The following TAF6L variants were observed in gnomAD, a reference collection of about 807,000 sequenced individuals.
TAF6L encodes TATA-box binding protein associated factor 6 like.
Under a neutral mutation model 57.3 loss-of-function variants are expected in TAF6L, and 34 were observed. The observed-to-expected ratio is 0.59, with a 90% CI of 0.45 to 0.79. TAF6L has a LOEUF of 0.79. Ranked by LOEUF, TAF6L falls within the 30% of genes least tolerant of loss-of-function variation. The probability of loss-of-function intolerance (pLI) is 0.00; values close to 1 mark genes in which losing one functional copy is unlikely to be tolerated. For synonymous variants in TAF6L, 417 were observed against 376.3 expected, an observed-to-expected ratio of 1.11 and a Z score of -1.25; for missense variants, 782 against 853.2, an observed-to-expected ratio of 0.92 and a Z score of 1.04.
rs1233137895 is a variant in TAF6L at position 62,778,112 on chromosome 11, T to C, written c.369T>C (p.Ala123=). The change falls in exon 4 of 11, where the codon GCT becomes GCC. Residue 123 remains alanine, a synonymous_variant. Transcript: ENST00000294168. Reference sequence around the variant, plus strand: ...CTACCAACATCCCCAAAGGCTGTGCTGAGACAGCTGTCAGAGGTGGCTGCC... The same window carrying C: ...CTACCAACATCCCCAAAGGCTGTGCCGAGACAGCTGTCAGAGGTGGCTGCC... ...ALATNIPKGC[A]ETAVRVHVSY... 3.1e-6 allele frequency: 5 copies of C among 1,614,054 alleles called. No individual in the cohort carries two copies. Among genetic ancestry groups the C allele is most frequent in the Non-Finnish European group, 4.2e-6 (5 of 1,180,036 alleles).
intron 6 of TAF6L, among the ~76,000 whole-genome samples, chr11:62,779,976 A>AT (rs1277954265): frequency 0.047 from 2,469 of 52,608 alleles, 89 homozygotes; most frequent in African/African-American, 0.088. Flanking sequence ...ATATATATAT[A>AT]TTTTTTTTTT....
In TAF6L at chr11:62,781,528, G is replaced by A. The variant is rs189633104; in HGVS notation, c.532-366G>A. On this transcript the variant is annotated intron_variant, in intron 6 of 10. Coordinates refer to ENST00000294168, the MANE Select transcript of TAF6L (RefSeq NM_006473.4). ...CTCTACTAAAAAATAGAAAAAATTA[G>A]CCGGGTGTGGTGGCAGGCGCCTGTA... 8.3e-3 allele frequency among the ~76,000 whole-genome samples: 1,256 copies of A among 152,052 alleles called. 8 individuals are homozygous for A. Among genetic ancestry groups the A allele is most frequent in the Admixed American group, 0.011 (165 of 15,248 alleles).
chr11:62,781,678 A>T (rs2956997), intron 6 of TAF6L: 65 of 464,492 alleles, frequency 1.4e-4, no homozygotes, highest in East Asian at 2.7e-4. Context: ...AAAAAAAAAA[A>T]GTTGGACATT....
intron 3 of TAF6L, 99 bp from the exon 4 acceptor site, chr11:62,777,879 A>C: frequency 7.1e-7 from 1 of 1,401,750 alleles, no homozygotes; most frequent in Non-Finnish European, 9.7e-7. Flanking sequence ...CTTCCTTCAA[A>C]CGTGGGCTCT....
At chr11:62,773,691 G>A (rs535745776) in intron 1 of TAF6L, among the ~76,000 whole-genome samples, 27 of 151,964 alleles carry the variant, frequency 1.8e-4, no homozygotes, top group African/African-American at 3.1e-4. Flanking sequence ...CAGGTGATTC[G>A]CCCGCCTTGG....
intron 9 of TAF6L, among the ~76,000 whole-genome samples, chr11:62,783,505 T>A (rs2084246196): frequency 2.0e-5 from 3 of 150,826 alleles, no homozygotes; most frequent in Admixed American, 6.6e-5. Flanking sequence ...AGTTAGGTGT[T>A]GCCACTGTGA....
At chr11:62,779,805 AC>A (rs1270425406) in intron 6 of TAF6L, among the ~76,000 whole-genome samples, 1 of 149,744 alleles carries the variant, frequency 6.7e-6, no homozygotes, top group Non-Finnish European at 1.5e-5. Flanking sequence ...AGCTGGGATT[AC>A]AGGGGCATAC....
chr11:62,778,492 C>A, intron 5 of TAF6L, 157 bp downstream of exon 5: 1 of 861,166 alleles, frequency 1.2e-6, no homozygotes, highest in Non-Finnish European at 1.8e-6. Context: ...GCATGGAGGG[C>A]TCAGAGTTGG....
At position 62,775,816 on chromosome 11, in the gene TAF6L, G is replaced by C. The variant is rs2084183135; in HGVS notation, c.33G>C (p.Glu11Asp). ...AGCGAGAAGAGCGGCGGTTTGTGGAGATCCCTCGGGAGTCTGTCCGGCTCA... is the reference window on the plus strand; with the variant it reads ...AGCGAGAAGAGCGGCGGTTTGTGGACATCCCTCGGGAGTCTGTCCGGCTCA... MSEREERRFV[E>D]IPRESVRLMA... Residue 11 changes from glutamate to aspartate, a missense_variant, in exon 2 of 11, where the codon GAG (glutamate) becomes GAC (aspartate). This residue lies in a region of TAF6L where 220 missense variants were observed against 252.1 expected (regional missense o/e 0.87). Transcript: ENST00000294168. 1 of 1,612,212 alleles carries C rather than the reference G, an allele frequency of 6.2e-7. No individual in the cohort carries two copies. The highest frequency in any genetic ancestry group is 1.3e-5 in the African/African-American group (1 of 74,986).
intron 6 of TAF6L, 56 bp downstream of exon 6, chr11:62,779,019 G>GTTTTTT: frequency 7.5e-6 from 7 of 932,542 alleles, no homozygotes; most frequent in South Asian, 1.5e-5. Flanking sequence ...TTCTAGACCT[G>GTTTTTT]TTTTTTTTTT....
rs777391386 is a variant in TAF6L at position 62,786,346 on chromosome 11, C to T, written c.1047C>T (p.Ala349=). The T allele has an allele frequency of 6.2e-7, 1 of 1,614,142 alleles. No homozygotes were observed. Among genetic ancestry groups the T allele is most frequent in the East Asian group, 2.2e-5 (1 of 44,884 alleles). ...AVLDDYSVSN[A]QVKADGHKVY... ...TGGATGATTATTCAGTATCTAATGCCCAGGTCAAAGCAGATGGACACAAAG... is the reference window on the plus strand; with the variant it reads ...TGGATGATTATTCAGTATCTAATGCTCAGGTCAAAGCAGATGGACACAAAG... Residue 349 remains alanine (A), a synonymous_variant, in exon 10 of 11, where the codon GCC becomes GCT. Coordinates refer to ENST00000294168, the MANE Select transcript of TAF6L (RefSeq NM_006473.4).
rs548181638 is a variant in TAF6L, at chr11:62,773,548, A to C, written c.-14+2058A>C. ...CTGCAACCTCTGTCTCACGGGTTCA[A>C]GCGATTCTCCTGCCTCAGCCTTGCG... On this transcript the variant is annotated intron_variant, in intron 1 of 10. Transcript: ENST00000294168. Among the ~76,000 whole-genome samples the C allele has an allele frequency of 2.6e-4, 40 of 151,906 alleles. 1 individual carries two copies. In the South Asian group the frequency reaches 8.3e-3, roughly 32 times the overall value.
intron 7 of TAF6L, 68 bp downstream of exon 7, chr11:62,782,036 C>T (rs2084233655): frequency 2.5e-6 from 4 of 1,597,362 alleles, no homozygotes; most frequent in Non-Finnish European, 3.4e-6. Flanking sequence ...GTGTAGGGCT[C>T]ATGGCAAGTG....
chr11:62,774,319 G>A (rs375559359), intron 1 of TAF6L, among the ~76,000 whole-genome samples: 46 of 152,126 alleles, frequency 3.0e-4, no homozygotes, highest in East Asian at 2.9e-3. Flanking sequence ...CTTGTGATCC[G>A]CCTGCCTCGG....
Position 62,787,167 on chromosome 11 carries a change from T to C in TAF6L, c.1740T>C (p.Thr580=), listed in dbSNP as rs1316826099. Residue 580 remains threonine (T), a synonymous_variant, in exon 11 of 11, where the codon ACT becomes ACC. Coordinates refer to ENST00000294168, the MANE Select transcript of TAF6L (RefSeq NM_006473.4). ...GRRCRGRLFQ[T]AFPAPYGPSP... is the part of the protein sequence containing the mutation. ...GCTGCCGCGGGCGCCTTTTCCAGACTGCCTTCCCCGCGCCGTACGGGCCTA... is the reference window on the plus strand; with the variant it reads ...GCTGCCGCGGGCGCCTTTTCCAGACCGCCTTCCCCGCGCCGTACGGGCCTA... The C allele has an allele frequency of 1.9e-6, 3 of 1,582,398 alleles. No individual in the cohort carries two copies. Among genetic ancestry groups the C allele is most frequent in the Non-Finnish European group, 2.6e-6 (3 of 1,173,460 alleles).
In TAF6L at chr11:62,786,658, G is replaced by A. The variant is rs1277864946; in HGVS notation, c.1231G>A (p.Ala411Thr). 8 of 1,610,972 alleles carry A rather than the reference G, an allele frequency of 5.0e-6. No homozygotes were observed. The South Asian group carries it at 8.8e-5, about 18-fold the overall frequency. ...TCAAGAGTCGTCCTCCGGGGGCGGT[G>A]CAGAACCCAGCTTTGGGTCCGGCCT... ...LFQESSSGGGAEPSFGSGLPL... is the reference protein window; with the variant it reads ...LFQESSSGGGTEPSFGSGLPL... The change falls in exon 11 of 11, where the codon GCA (alanine) becomes ACA (threonine). Residue 411 changes from alanine to threonine, a missense_variant. By Grantham distance (58) the Ala-to-Thr change is moderately conservative. Transcript: ENST00000294168.
chr11:62,782,148 C>T lies in TAF6L; in HGVS notation c.642C>T (p.His214=). Residue 214 remains histidine, a synonymous_variant, in exon 8 of 11, where the codon CAC becomes CAT. Transcript: ENST00000294168. ...KSVSHDLEQL[H]RLLQVARSLF... is the part of the protein sequence containing the mutation. ...TAAGCCATGACCTGGAGCAACTGCACCGGCTGCTGCAGGTGGCACGGAGCC... is the reference window on the plus strand; with the variant it reads ...TAAGCCATGACCTGGAGCAACTGCATCGGCTGCTGCAGGTGGCACGGAGCC... 6.2e-7 allele frequency: 1 copy of T among 1,612,748 alleles called. No homozygotes were observed. Among genetic ancestry groups the T allele is most frequent in the Non-Finnish European group, 8.5e-7 (1 of 1,179,128 alleles).
intron 2 of TAF6L, 138 bp from the exon 3 acceptor site, chr11:62,776,246 A>G: frequency 1.2e-6 from 1 of 842,568 alleles, no homozygotes; most frequent in East Asian, 2.7e-5. Context: ...GTACAGGAGC[A>G]GAGACGGAAT....
intron 2 of TAF6L, 90 bp downstream of exon 2, chr11:62,776,020 A>G: frequency 6.9e-7 from 1 of 1,447,524 alleles, no homozygotes; most frequent in Non-Finnish European, 9.3e-7. Context: ...TCAAGTGTAC[A>G]CTGGGTGCCT....
Sources: allele counts gnomAD v4.1 joint callset (sites outside exome capture counted in the v4.1 genomes callset), GRCh38; gene constraint gnomAD v4.1.1; regional missense constraint gnomAD v4.1.1; transcripts MANE v1.5; gene names NCBI Gene and HGNC (gene_info 2026-07-23, HGNC 2026-07-21).